HCRTR1: variants seen among roughly 807,000 people sequenced by gnomAD.
The protein encoded by HCRTR1 is orexin/Hypocretin receptor type 1.
A neutral mutation model predicts 40.6 loss-of-function variants in HCRTR1; 28 were observed. The ratio of observed to expected loss-of-function variants is 0.69; its 90% confidence interval spans 0.51 to 0.95. The LOEUF is 0.95. Among genes scored for constraint, HCRTR1 ranks in the 40% least tolerant of loss-of-function variants. The pLI, the probability that HCRTR1 is intolerant of heterozygous loss-of-function variation, is 0.00. For synonymous variants in HCRTR1, 209 were observed against 230.0 expected (o/e 0.91, Z 0.83); for missense variants, 482 against 564.7 (o/e 0.85, Z 1.48).
At chr1:31,621,250 G>A (rs963816879) in intron 5 of HCRTR1, among the ~76,000 whole-genome samples, 164 bp downstream of exon 5, 7 of 152,288 alleles carry the variant, frequency 4.6e-5, no homozygotes, top group South Asian at 2.1e-4. Flanking sequence ...ATACTCCCAG[G>A]GTGGGTGCCT....
rs549446017 is a variant in HCRTR1 at position 31,625,132 on chromosome 1, G to A, written c.1087+14G>A. On this transcript the variant is annotated intron_variant, in intron 8 of 8. Coordinates refer to ENST00000403528, the MANE Select transcript of HCRTR1 (RefSeq NM_001525.3). This position sits in a 1 kb window ranked among gnomAD's most constrained non-coding sequence, Gnocchi z 4.2. ...ACTTCCTCAGTGGTGAGCAGGCTGG[G>A]GATGCAAAATGACTGAGGGTGGCCA... 8 of 1,592,142 alleles carry A rather than the reference G, an allele frequency of 5.0e-6. No individual in the cohort carries two copies. In the South Asian group the frequency reaches 7.9e-5, roughly 16 times the overall value.
At chr1:31,619,485 G>A in intron 3 of HCRTR1, 47 bp from the exon 4 acceptor site, 1 of 1,613,038 alleles carries the variant, frequency 6.2e-7, no homozygotes, top group South Asian at 1.1e-5. Flanking sequence ...GGCAGAACTA[G>A]GATGGGTGTG....
At chr1:31,623,457 C>T (rs1188572084) in intron 6 of HCRTR1, 66 bp from the exon 7 acceptor site, 29 of 1,439,958 alleles carry the variant, frequency 2.0e-5, no homozygotes, top group Admixed American at 4.3e-5. Flanking sequence ...GAGTAGGCCC[C>T]ACAAAAGGCA....
chr1:31,633,080 C>A, downstream of HCRTR1: 2 of 1,484,018 alleles, frequency 1.3e-6, no homozygotes, highest in Non-Finnish European at 1.8e-6. Flanking sequence ...AGAATGTCCA[C>A]CCACCCACCT....
At chr1:31,627,803 G>T (rs956183055), downstream of HCRTR1, among the ~76,000 whole-genome samples, 1 of 152,270 alleles carries the variant, frequency 6.6e-6, no homozygotes, top group Non-Finnish European at 1.5e-5. Flanking sequence ...GCCTCCTCAT[G>T]CGGTGCCAAT....
In HCRTR1 at chr1:31,626,874, C is replaced by T; in HGVS notation, c.1172C>T (p.Pro391Leu). The change falls in exon 9 of 9, where the codon CCC (proline) becomes CTC (leucine). Residue 391 changes from proline (P) to leucine (L), a missense_variant. By Grantham distance (98) the Pro-to-Leu change is moderately conservative (BLOSUM62 -3). Coordinates refer to ENST00000403528, the MANE Select transcript of HCRTR1 (RefSeq NM_001525.3). This position sits in a 1 kb window ranked among gnomAD's most constrained non-coding sequence, Gnocchi z 4.6. The part of the protein sequence containing the change: ...GPCGSLKAPS[P>L]RSSASHKSLS... ...TGCGGCTCTCTGAAGGCCCCTAGTCCCCGCTCCTCTGCCAGCCACAAGTCC... is the reference window on the plus strand; with the variant it reads ...TGCGGCTCTCTGAAGGCCCCTAGTCTCCGCTCCTCTGCCAGCCACAAGTCC... 1 of 1,614,066 alleles carries T rather than the reference C, an allele frequency of 6.2e-7. No homozygotes were observed. Among genetic ancestry groups the T allele is most frequent in the Non-Finnish European group, 8.5e-7 (1 of 1,180,034 alleles).
chr1:31,632,498 G>A, downstream of HCRTR1: 1 of 1,614,260 alleles, frequency 6.2e-7, no homozygotes, highest in Non-Finnish European at 8.5e-7. Flanking sequence ...CCCGCACCTT[G>A]CTGCAGCTCT....
Position 31,621,010 on chromosome 1 carries a change from C to T in HCRTR1, c.546C>T (p.Val182=). The change falls in exon 5 of 9, where the codon GTC becomes GTT. Residue 182 remains valine, a synonymous_variant. Coordinates refer to ENST00000403528, the MANE Select transcript of HCRTR1 (RefSeq NM_001525.3). ...SLAIMVPQAA[V]MECSSVLPEL... ...CCATCATGGTGCCCCAGGCTGCAGT[C>T]ATGGAATGCAGCAGTGTGCTGCCTG... 1 of 1,613,806 alleles carries T rather than the reference C, an allele frequency of 6.2e-7. No individual in the cohort carries two copies. Among genetic ancestry groups the T allele is most frequent in the East Asian group, 2.2e-5 (1 of 44,888 alleles).
Position 31,627,057 on chromosome 1 carries a change from AG to A in HCRTR1, c.*79del. ...TGGAAAGACAGCTGGATGTGGTGAA[AG>A]GCTGTGGCTTCAGTCCTGGGTTTCT... On this transcript the variant is annotated 3_prime_UTR_variant, in exon 9 of 9. Coordinates refer to ENST00000403528, the MANE Select transcript of HCRTR1 (RefSeq NM_001525.3). 1.3e-6 allele frequency: 2 copies of A among 1,539,780 alleles called. No individual in the cohort carries two copies. The highest frequency in any genetic ancestry group is 2.7e-5 in the African/African-American group (2 of 73,470).
In HCRTR1 at chr1:31,623,682, C is replaced by T. The variant is rs1345639549; in HGVS notation, c.898C>T (p.Leu300=). The change falls in exon 7 of 9, where the codon CTG becomes TTG. Residue 300 remains leucine (L), a synonymous_variant. Transcript: ENST00000403528. ...TGCACGGAGGAAGACAGCCAAGATG[C>T]TGATGGTGGTGCTGCTGGTCTTCGC... The part of the protein sequence containing the change: ...MRARRKTAKM[L]MVVLLVFALC... 1 of 1,614,188 alleles carries T rather than the reference C, an allele frequency of 6.2e-7. No homozygotes were observed. The highest frequency in any genetic ancestry group is 8.5e-7 in the Non-Finnish European group (1 of 1,180,044).
intron 7 of HCRTR1, 24 bp downstream of exon 7, chr1:31,623,773 G>C: frequency 6.3e-7 from 1 of 1,585,006 alleles, no homozygotes; most frequent in African/African-American, 1.3e-5. Flanking sequence ...GTATGGTTGG[G>C]GTGGGGAGAA....
rs1639791888 is a variant in HCRTR1, at chr1:31,619,101, C to T, written c.-92C>T. ...GACCTGGGTGCAAGCCTCCAGGCAC[C>T]CTGAAGGGAGTGGGCTGAGGGCTGG... On this transcript the variant is annotated 5_prime_UTR_variant, in exon 3 of 9. Transcript: ENST00000403528. The T allele has an allele frequency of 9.8e-6, 11 of 1,117,674 alleles. No individual in the cohort carries two copies. Among genetic ancestry groups the T allele is most frequent in the Admixed American group, 4.7e-5 (2 of 42,136 alleles). The allele number at this position is 1,117,674 out of a possible 1,614,324, so 69.2% of individuals were successfully genotyped here.
rs1639980543 is a variant in HCRTR1, at chr1:31,626,604, G to A, written c.1088-186G>A. Among the ~76,000 whole-genome samples the A allele has an allele frequency of 6.6e-6, 1 of 152,092 alleles. No individual in the cohort carries two copies. Among genetic ancestry groups the A allele is most frequent in the South Asian group, 2.1e-4 (1 of 4,828 alleles). ...TCTCTCCTTGGGAACCCGCTCCAGG[G>A]CTTCTGTCCTCTCTCTCTGGCGGTG... On this transcript the variant is annotated intron_variant, in intron 8 of 8. Coordinates refer to ENST00000403528, the MANE Select transcript of HCRTR1 (RefSeq NM_001525.3). The surrounding 1 kb of genome is among the most constrained non-coding windows in gnomAD (Gnocchi z 4.6).
chr1:31,621,639 G>T, intron 6 of HCRTR1, 47 bp downstream of exon 6: 1 of 1,312,366 alleles, frequency 7.6e-7, no homozygotes, highest in South Asian at 1.2e-5. Context: ...TGTGTGGGCT[G>T]GGGGTGGGAG....
intron 3 of HCRTR1, 34 bp downstream of exon 3, chr1:31,619,425 C>G (rs752010586): frequency 3.7e-6 from 6 of 1,613,062 alleles, no homozygotes; most frequent in Non-Finnish European, 5.1e-6. Flanking sequence ...GTGCTGCCGG[C>G]TTTCCCTGGG....
In HCRTR1 at chr1:31,621,585, G is replaced by T; in HGVS notation, c.731G>T (p.Gly244Val). ...AYFQIFRKLW[G>V]RQIPGTTSAL... The stretch of plus-strand genomic sequence containing the variant: ...TTCCAGATATTCCGCAAGCTCTGGG[G>T]CCGCCAGGTGAGGCCCACTCTGGGC... Residue 244 changes from glycine (G) to valine (V), a missense_variant, in exon 6 of 9, where the codon GGC (glycine) becomes GTC (valine). By Grantham distance (109) the Gly-to-Val change is moderately radical. Coordinates refer to ENST00000403528, the MANE Select transcript of HCRTR1 (RefSeq NM_001525.3). The T allele has an allele frequency of 6.2e-7, 1 of 1,611,576 alleles. No homozygotes were observed.
rs1479886483 is a variant in HCRTR1, at chr1:31,625,093, C to A, written c.1062C>A (p.Asn354Lys). Residue 354 changes from asparagine (N) to lysine (K), a missense_variant, in exon 8 of 9, where the codon AAC (asparagine) becomes AAA (lysine). Coordinates refer to ENST00000403528, the MANE Select transcript of HCRTR1 (RefSeq NM_001525.3). The surrounding 1 kb of genome is among the most constrained non-coding windows in gnomAD (Gnocchi z 4.2). ...TGGTGTACGCCAACAGCGCTGCCAA[C>A]CCCATCATCTACAACTTCCTCAGTG... ...HWLVYANSAA[N>K]PIIYNFLSGK... The A allele has an allele frequency of 6.2e-7, 1 of 1,611,920 alleles. No homozygotes were observed. Among genetic ancestry groups the A allele is most frequent in the Non-Finnish European group, 8.5e-7 (1 of 1,178,766 alleles).
intron 6 of HCRTR1, among the ~76,000 whole-genome samples, chr1:31,622,999 G>A (rs1321852011): frequency 6.6e-6 from 1 of 152,148 alleles, no homozygotes; most frequent in Non-Finnish European, 1.5e-5. Flanking sequence ...TTTCCACAAG[G>A]CGTGTTGTAG....
downstream of HCRTR1, chr1:31,632,774 A>G: frequency 9.6e-7 from 1 of 1,040,702 alleles, no homozygotes; most frequent in Non-Finnish European, 1.4e-6. Flanking sequence ...TGAGGCCCAG[A>G]TGCCTGCACC....
Sources: allele counts gnomAD v4.1 joint callset (sites outside exome capture counted in the v4.1 genomes callset), GRCh38; gene constraint gnomAD v4.1.1; non-coding constraint Gnocchi (gnomAD v3.1); transcripts MANE v1.5; gene names NCBI Gene and HGNC (gene_info 2026-07-23, HGNC 2026-07-21).